The following DZIP3 variants were observed in gnomAD, a reference collection of about 807,000 sequenced individuals.
DZIP3 encodes the protein DAZ interacting zinc finger protein 3.
A neutral mutation model predicts 162.0 loss-of-function variants in DZIP3; 118 were observed. The observed-to-expected ratio is 0.73, with a 90% CI of 0.63 to 0.85. DZIP3 has a LOEUF of 0.85. Among genes scored for constraint, DZIP3 ranks in the 40% least tolerant of loss-of-function variants. The pLI is 0.00. For missense variants in DZIP3, 1,331 were observed against 1,407.0 expected (o/e 0.95, Z 0.86); for synonymous variants, 438 against 458.6 (o/e 0.96, Z 0.57).
At chr3:108,674,776 A>G (rs1944043099) in intron 24 of DZIP3, among the ~76,000 whole-genome samples, 5 of 151,888 alleles carry the variant, frequency 3.3e-5, no homozygotes, top group Admixed American at 2.6e-4. Flanking sequence ...TAAATTTATA[A>G]TCTCATGGGG....
At chr3:108,643,087 C>T (rs1047222511) in intron 13 of DZIP3, among the ~76,000 whole-genome samples, 1 of 152,086 alleles carries the variant, frequency 6.6e-6, no homozygotes, top group East Asian at 1.9e-4. Context: ...TAACTTGCCT[C>T]CACAATGTAT....
chr3:108,629,038 A>T, intron 7 of DZIP3, 24 bp from the exon 8 acceptor site: 1 of 1,476,302 alleles, frequency 6.8e-7, no homozygotes. Context: ...GTTCAAACTA[A>T]CCTTATTTTA....
At position 108,605,504 on chromosome 3, in the gene DZIP3, G is replaced by C. The variant is rs1013698043; in HGVS notation, c.32+66G>C. On this transcript the variant is annotated intron_variant, in intron 2 of 32. Coordinates refer to ENST00000361582, the MANE Select transcript of DZIP3 (RefSeq NM_014648.4). ...GTTTCGTGGAAAACAATTTTTCCAC[G>C]GATGGTGGGGGTGCGGGGAATGGTT... 4.6e-6 allele frequency: 7 copies of C among 1,513,320 alleles called. No homozygotes were observed. The Admixed American group carries it at 8.8e-5, about 19-fold the overall frequency. The allele number at this position is 1,513,320 out of a possible 1,614,324, so 93.7% of individuals were successfully genotyped here. A position where few individuals can be genotyped will look rare whatever the true frequency, so the allele number is the denominator to read the frequency against.
rs878937776 is a variant in DZIP3 at position 108,674,067 on chromosome 3, A to G, written c.2590-11A>G. 1 of 1,602,318 alleles carries G rather than the reference A, an allele frequency of 6.2e-7. No homozygotes were observed. The highest frequency in any genetic ancestry group is 1.3e-5 in the African/African-American group (1 of 74,610). Reference sequence around the variant, plus strand: ...CTTCAACTTCTTTCTCTTTCTCTCAAAAACCTGTAGGTGTATTTCTTACAG... The same window carrying G: ...CTTCAACTTCTTTCTCTTTCTCTCAGAAACCTGTAGGTGTATTTCTTACAG... On this transcript the variant is annotated splice_polypyrimidine_tract_variant and intron_variant, in intron 23 of 32. Transcript: ENST00000361582.
At chr3:108,617,059 G>A (rs1190135757) in intron 5 of DZIP3, among the ~76,000 whole-genome samples, 2 of 152,202 alleles carry the variant, frequency 1.3e-5, no homozygotes, top group African/African-American at 2.4e-5. Flanking sequence ...TGGAATCTAG[G>A]AGCTGAACTC....
chr3:108,689,044 GC>G (rs1326375404), intron 31 of DZIP3, 120 bp downstream of exon 31: 5 of 952,118 alleles, frequency 5.3e-6, no homozygotes, highest in Non-Finnish European at 8.1e-6. Context: ...ATAACTCTGA[GC>G]TTTTGGGTAC....
chr3:108,624,303 A>G (rs878939434), intron 5 of DZIP3, 141 bp from the exon 6 acceptor site: 3 of 508,030 alleles, frequency 5.9e-6, no homozygotes, highest in African/African-American at 4.4e-5. Context: ...CATTATCGTT[A>G]TTATTAGATG....
At position 108,644,734 on chromosome 3, in the gene DZIP3, T is replaced by C. The variant is rs749686631; in HGVS notation, c.1712T>C (p.Ile571Thr). The C allele has an allele frequency of 3.1e-6, 5 of 1,609,426 alleles. No homozygotes were observed. Among genetic ancestry groups the C allele is most frequent in the Non-Finnish European group, 4.2e-6 (5 of 1,179,100 alleles). ...DYHQLSVYLG[I>T]PVPEIIQRML... ...CATCAGCTATCTGTCTACCTAGGCA[T>C]ACCAGTACCAGAAATCATACAGAGG... The change falls in exon 14 of 33, where the codon ATA becomes ACA. Residue 571 changes from isoleucine to threonine, a missense_variant. Transcript: ENST00000361582.
chr3:108,660,624 C>G (rs1271404344), intron 19 of DZIP3, among the ~76,000 whole-genome samples: 1 of 152,008 alleles, frequency 6.6e-6, no homozygotes, highest in Non-Finnish European at 1.5e-5. Context: ...CAACAAAAGC[C>G]AAAATTGACA....
intron 31 of DZIP3, 44 bp from the exon 32 acceptor site, chr3:108,690,743 T>C: frequency 6.4e-7 from 1 of 1,571,944 alleles, no homozygotes. Context: ...CTGCCTCTGC[T>C]AGGCTACATC....
intron 1 of DZIP3, among the ~76,000 whole-genome samples, chr3:108,597,893 C>T (rs1157884075): frequency 6.6e-6 from 1 of 151,976 alleles, no homozygotes; most frequent in African/African-American, 2.4e-5. Flanking sequence ...GCTATGTGAT[C>T]AAAAAAGTTT....
intron 19 of DZIP3, among the ~76,000 whole-genome samples, chr3:108,658,442 C>A (rs1273284890): frequency 6.6e-6 from 1 of 151,638 alleles, no homozygotes; most frequent in Non-Finnish European, 1.5e-5. Flanking sequence ...TTGAAACCAA[C>A]GAGAACAAAG....
At chr3:108,608,185 C>G (rs762336619) in intron 3 of DZIP3, 27 bp downstream of exon 3, 1 of 1,499,290 alleles carries the variant, frequency 6.7e-7, no homozygotes, top group East Asian at 2.3e-5. Flanking sequence ...TTTTCATTAA[C>G]TGTTAGTTAA....
At chr3:108,663,191 T>C (rs1943520047) in intron 21 of DZIP3, among the ~76,000 whole-genome samples, 2 of 152,168 alleles carry the variant, frequency 1.3e-5, no homozygotes, top group Non-Finnish European at 2.9e-5. Flanking sequence ...GTTAGAGAGA[T>C]CCTTCAAGTT....
intron 11 of DZIP3, among the ~76,000 whole-genome samples, chr3:108,637,261 T>A (rs189794277): frequency 3.3e-4 from 50 of 152,208 alleles, no homozygotes; most frequent in Non-Finnish European, 2.9e-4. Flanking sequence ...TATTTCAGAT[T>A]TGGCATTTAA....
intron 19 of DZIP3, among the ~76,000 whole-genome samples, chr3:108,658,232 A>G (rs943692963): frequency 2.0e-5 from 3 of 152,358 alleles, no homozygotes; most frequent in East Asian, 1.9e-4. Context: ...TTGACCACAT[A>G]GTTAGAAGTA....
At chr3:108,662,390 T>A (rs1433290162) in intron 21 of DZIP3, 133 bp downstream of exon 21, 1 of 1,118,234 alleles carries the variant, frequency 8.9e-7, no homozygotes. Context: ...ACTGCACTTG[T>A]TTAAAAACCA....
intron 19 of DZIP3, among the ~76,000 whole-genome samples, chr3:108,655,991 G>T (rs1468659121): frequency 1.3e-5 from 2 of 152,218 alleles, no homozygotes; most frequent in African/African-American, 2.4e-5. Flanking sequence ...AAACAAAGCG[G>T]CCGGGAAGCT....
At chr3:108,628,807 T>G (rs1310226414) in intron 7 of DZIP3, among the ~76,000 whole-genome samples, 1 of 152,160 alleles carries the variant, frequency 6.6e-6, no homozygotes, top group Non-Finnish European at 1.5e-5. Context: ...GCCAACCAAC[T>G]CTACAGTCCC....
Sources: gnomAD v4.1 joint callset for allele counts (sites outside exome capture counted in the v4.1 genomes callset) on GRCh38, gnomAD v4.1.1 for gene constraint, MANE v1.5 for transcripts, NCBI Gene and HGNC (gene_info 2026-07-23, HGNC 2026-07-21) for gene names.